Variants in ALCAM observed in about 807,000 individuals in gnomAD.
ALCAM encodes the protein activated leukocyte cell adhesion molecule, also known as CD166 antigen.
Under a neutral mutation model 70.9 loss-of-function variants are expected in ALCAM, and 30 were observed. That is an observed-to-expected ratio of 0.42 (90% CI 0.32 to 0.57). The LOEUF (loss-of-function observed/expected upper bound fraction) is 0.57, where lower values mean the gene tolerates loss of function less well. Ranked by LOEUF, ALCAM falls within the 20% of genes least tolerant of loss-of-function variation. The pLI, the probability that ALCAM is intolerant of heterozygous loss-of-function variation, is 0.11. For missense variants in ALCAM, 591 were observed against 695.1 expected (o/e 0.85, Z 1.68); for synonymous variants, 249 against 242.5 (o/e 1.03, Z -0.25).
intron 1 of ALCAM, among the ~76,000 whole-genome samples, chr3:105,437,786 T>C (rs1937084282): frequency 1.3e-5 from 2 of 152,150 alleles, no homozygotes; most frequent in Admixed American, 1.3e-4. Flanking sequence ...TTTAAAATTT[T>C]AAATGTATTC....
intron 4 of ALCAM, among the ~76,000 whole-genome samples, chr3:105,532,883 A>C (rs1224571467): frequency 6.6e-6 from 1 of 152,178 alleles, no homozygotes; most frequent in East Asian, 1.9e-4. Context: ...AAATTATGCT[A>C]CTGAAAGATT....
At chr3:105,525,315 A>G in intron 3 of ALCAM, 1 of 981,596 alleles carries the variant, frequency 1.0e-6, no homozygotes, top group Non-Finnish European at 1.2e-6. Flanking sequence ...AGTTAATGTT[A>G]CTGTGCAAAT....
At chr3:105,527,913 G>A (rs1939745934) in intron 3 of ALCAM, among the ~76,000 whole-genome samples, 1 of 150,898 alleles carries the variant, frequency 6.6e-6, no homozygotes, top group Non-Finnish European at 1.5e-5. Flanking sequence ...AATTTTGGGG[G>A]GCATTGAGGG....
At chr3:105,382,095 C>G (rs1377002039) in intron 1 of ALCAM, among the ~76,000 whole-genome samples, 7 of 145,746 alleles carry the variant, frequency 4.8e-5, no homozygotes, top group Non-Finnish European at 7.5e-5. Context: ...CCCCCTCCCC[C>G]AACCCCACAA....
intron 1 of ALCAM, among the ~76,000 whole-genome samples, chr3:105,371,103 A>G (rs1195842932): frequency 6.6e-6 from 1 of 152,154 alleles, no homozygotes; most frequent in Non-Finnish European, 1.5e-5. Flanking sequence ...CTTTGTAAAA[A>G]ATTCAAACTA....
chr3:105,572,062 A>G, intron 15 of ALCAM, 98 bp downstream of exon 15: 2 of 676,244 alleles, frequency 3.0e-6, no homozygotes, highest in South Asian at 2.7e-5. Context: ...CCATAATTAC[A>G]GCTTTCAAAA....
rs986667416 is a variant in ALCAM at position 105,366,961 on chromosome 3, C to G, written c.-448C>G. ...CTGCCGCTGCTACCACCGCTGCCAC[C>G]TGAGGAGACCCGCCGCCCCCCCGTC... On this transcript the variant is annotated 5_prime_UTR_variant, in exon 1 of 16. Transcript: ENST00000306107. 1.2e-5 allele frequency: 2 copies of G among 165,666 alleles called. No individual in the cohort carries two copies. The highest frequency in any genetic ancestry group is 1.8e-4 in the East Asian group (1 of 5,426). The allele number at this position is 165,666 out of a possible 1,614,324, so 10.3% of individuals were successfully genotyped here.
chr3:105,469,007 G>C (rs1328480135), intron 1 of ALCAM, among the ~76,000 whole-genome samples: 1 of 150,908 alleles, frequency 6.6e-6, no homozygotes, highest in Non-Finnish European at 1.5e-5. Context: ...TTTTGAACTG[G>C]TCATTTTGGT....
intron 3 of ALCAM, among the ~76,000 whole-genome samples, chr3:105,526,424 A>T (rs1394769766): frequency 6.6e-6 from 1 of 152,120 alleles, no homozygotes; most frequent in Non-Finnish European, 1.5e-5. Flanking sequence ...CTGATTTGGA[A>T]TACAGGGAAT....
chr3:105,469,936 G>A (rs1937874158), intron 1 of ALCAM, among the ~76,000 whole-genome samples: 1 of 150,502 alleles, frequency 6.6e-6, no homozygotes, highest in Non-Finnish European at 1.5e-5. Flanking sequence ...CAGAGCCCCA[G>A]TTTTCAAATC....
chr3:105,393,317 A>T (rs1935868961), intron 1 of ALCAM, among the ~76,000 whole-genome samples: 1 of 151,854 alleles, frequency 6.6e-6, no homozygotes, highest in African/African-American at 2.4e-5. Context: ...CTAAAAAAAA[A>T]ATCACCCAAA....
chr3:105,489,932 C>T (rs1035186829), intron 1 of ALCAM, among the ~76,000 whole-genome samples: 4 of 152,152 alleles, frequency 2.6e-5, no homozygotes, highest in Non-Finnish European at 4.4e-5. Flanking sequence ...CTGATTTTCA[C>T]CTGTGTTATT....
At chr3:105,414,439 TACTGTGAGATAGAATAGGAA>T (rs1238605406) in intron 1 of ALCAM, among the ~76,000 whole-genome samples, 1 of 151,658 alleles carries the variant, frequency 6.6e-6, no homozygotes, top group Non-Finnish European at 1.5e-5. Context: ...AAAAATAAAG[TACTGTGAGATAGAATAGGAA>T]ACTGTGAGAT....
chr3:105,427,198 G>A (rs1936811829), intron 1 of ALCAM, among the ~76,000 whole-genome samples: 1 of 151,862 alleles, frequency 6.6e-6, no homozygotes, highest in Non-Finnish European at 1.5e-5. Flanking sequence ...TAGAGAGGGA[G>A]GCCAGGGAAC....
chr3:105,518,993 G>C (rs1477741766), intron 1 of ALCAM, among the ~76,000 whole-genome samples: 1 of 152,016 alleles, frequency 6.6e-6, no homozygotes, highest in African/African-American at 2.4e-5. Flanking sequence ...TTTATGTGTT[G>C]CAGATTGCCG....
At chr3:105,405,689 A>C (rs1017590637) in intron 1 of ALCAM, among the ~76,000 whole-genome samples, 2 of 152,164 alleles carry the variant, frequency 1.3e-5, no homozygotes, top group Admixed American at 6.5e-5. Context: ...AGAAAACCAA[A>C]ATTATATCAT....
At chr3:105,489,076 A>T (rs1185728189) in intron 1 of ALCAM, among the ~76,000 whole-genome samples, 1 of 152,152 alleles carries the variant, frequency 6.6e-6, no homozygotes, top group African/African-American at 2.4e-5. Flanking sequence ...AGGTGGACTG[A>T]AGAGTATTAA....
intron 1 of ALCAM, among the ~76,000 whole-genome samples, chr3:105,372,051 T>G (rs535418620): frequency 6.6e-6 from 1 of 152,240 alleles, no homozygotes; most frequent in South Asian, 2.1e-4. Flanking sequence ...TTTATTTGGT[T>G]ATTACTTTTG....
At position 105,541,763 on chromosome 3, in the gene ALCAM, A is replaced by G. The variant is rs750878764; in HGVS notation, c.989A>G (p.His330Arg). The G allele has an allele frequency of 1.2e-6, 2 of 1,611,572 alleles. No homozygotes were observed. The highest frequency in any genetic ancestry group is 2.7e-5 in the African/African-American group (2 of 74,738). ...SMIASTAITVHYLDLSLNPSG... is the reference protein window; with the variant it reads ...SMIASTAITVRYLDLSLNPSG... ...ATTGCTTCAACAGCTATCACAGTTC[A>G]CTGTAAGTCACCTACTTCTTCATCA... Residue 330 changes from histidine to arginine, a missense_variant and splice_region_variant, in exon 8 of 16, where the codon CAC becomes CGC. By Grantham distance (29) the His-to-Arg change is conservative (BLOSUM62 0). Around this residue, in one of 2 missense-constraint regions of ALCAM, gnomAD observed 427 missense variants for 450.4 expected, o/e 0.95. Coordinates refer to ENST00000306107, the MANE Select transcript of ALCAM (RefSeq NM_001627.4).
Sources: gnomAD v4.1 joint callset for allele counts (sites outside exome capture counted in the v4.1 genomes callset) on GRCh38, gnomAD v4.1.1 for gene constraint, gnomAD v4.1.1 regional missense constraint, MANE v1.5 for transcripts, NCBI Gene and HGNC (gene_info 2026-07-23, HGNC 2026-07-21) for gene names.